MYO3B: variants seen among roughly 807,000 people sequenced by gnomAD.
The protein encoded by MYO3B is myosin IIIB.
A neutral mutation model predicts 174.6 loss-of-function variants in MYO3B; 156 were observed. That is an observed-to-expected ratio of 0.89 (90% CI 0.78 to 1.02). The LOEUF is 1.02. Among genes scored for constraint, MYO3B ranks in the 50% least tolerant of loss-of-function variants. The pLI is 0.00. For missense variants in MYO3B, 1,632 were observed against 1,639.4 expected, an observed-to-expected ratio of 1.00 and a Z score of 0.08; for synonymous variants, 563 against 569.1, an observed-to-expected ratio of 0.99 and a Z score of 0.15.
intron 7 of MYO3B, among the ~76,000 whole-genome samples, chr2:170,279,074 T>C (rs1463125467): frequency 6.6e-6 from 1 of 152,180 alleles, no homozygotes; most frequent in African/African-American, 2.4e-5. Context: ...TTATCTTTGC[T>C]ATTGTGAATA....
intron 5 of MYO3B, among the ~76,000 whole-genome samples, chr2:170,216,762 C>A (rs1480113820): frequency 6.6e-6 from 1 of 151,968 alleles, no homozygotes; most frequent in Non-Finnish European, 1.5e-5. Context: ...AAAATGAAGC[C>A]CCTTATTAAG....
At chr2:170,492,947 G>A (rs919112375) in intron 25 of MYO3B, among the ~76,000 whole-genome samples, 4 of 152,162 alleles carry the variant, frequency 2.6e-5, no homozygotes, top group African/African-American at 9.7e-5. Context: ...TCTCTACTCT[G>A]TCTTACCAAA....
At position 170,654,909 on chromosome 2, in the gene MYO3B, A is replaced by C. The variant is rs1575357682; in HGVS notation, c.*1788A>C. The C allele has an allele frequency of 6.6e-6, 1 of 152,160 alleles. No homozygotes were observed. The highest frequency in any genetic ancestry group is 1.9e-4 in the East Asian group (1 of 5,200). The allele number at this position is 152,160 out of a possible 1,614,324, so 9.4% of individuals were successfully genotyped here. On this transcript the variant is annotated 3_prime_UTR_variant, in exon 35 of 35. Coordinates refer to ENST00000408978, the MANE Select transcript of MYO3B (RefSeq NM_138995.5). ...TTTATAAGTAGAGCAGAAAAAATGCAGATAAATTTTATTTTATTGTTTAAA... is the reference window on the plus strand; with the variant it reads ...TTTATAAGTAGAGCAGAAAAAATGCCGATAAATTTTATTTTATTGTTTAAA...
intron 32 of MYO3B, among the ~76,000 whole-genome samples, chr2:170,609,183 T>A (rs1694991838): frequency 6.6e-6 from 1 of 152,180 alleles, no homozygotes; most frequent in Non-Finnish European, 1.5e-5. Flanking sequence ...AATGCCACTG[T>A]TTACTTCATT....
intron 20 of MYO3B, among the ~76,000 whole-genome samples, chr2:170,404,833 C>A (rs548483713): frequency 6.6e-6 from 1 of 152,314 alleles, no homozygotes; most frequent in African/African-American, 2.4e-5. Context: ...CCCTGGACAT[C>A]CCAGCTAGTT....
Position 170,484,777 on chromosome 2 carries a change from A to C in MYO3B, c.3015-13815A>C, listed in dbSNP as rs1180717062. Among the ~76,000 whole-genome samples, 3 of 152,044 alleles carry C rather than the reference A, an allele frequency of 2.0e-5. No homozygotes were observed. The East Asian group carries it at 5.8e-4, about 29-fold the overall frequency. The stretch of plus-strand genomic sequence containing the variant: ...TGGTGGCCAGCTGTTCTGTCTCTTT[A>C]CTCAAGGCCAAACATGAAGGGAAAA... On this transcript the variant is annotated intron_variant, in intron 25 of 34. Coordinates refer to ENST00000408978, the MANE Select transcript of MYO3B (RefSeq NM_138995.5).
At chr2:170,239,413 A>G (rs2093107036) in intron 7 of MYO3B, among the ~76,000 whole-genome samples, 1 of 152,182 alleles carries the variant, frequency 6.6e-6, no homozygotes, top group Non-Finnish European at 1.5e-5. Context: ...GAGGGGAGTG[A>G]GGAAGGCTGT....
At chr2:170,464,655 G>C (rs892986216) in intron 24 of MYO3B, among the ~76,000 whole-genome samples, 1 of 152,110 alleles carries the variant, frequency 6.6e-6, no homozygotes, top group Non-Finnish European at 1.5e-5. Context: ...CCAGACCTTC[G>C]AATCCAGTAT....
intron 32 of MYO3B, among the ~76,000 whole-genome samples, chr2:170,641,672 C>T (rs762363835): frequency 2.0e-5 from 3 of 152,054 alleles, no homozygotes; most frequent in African/African-American, 7.2e-5. Flanking sequence ...TCTCTGGAAA[C>T]TTGTCTCAGC....
In MYO3B at chr2:170,511,061, GT is replaced by G. The variant is rs1352683626; in HGVS notation, c.3371-3844del. Among the ~76,000 whole-genome samples, 120 of 132,014 alleles carry G rather than the reference GT, an allele frequency of 9.1e-4. 1 individual carries two copies. The highest frequency in any genetic ancestry group is 4.8e-3 in the South Asian group (19 of 3,950). The allele number at this position is 132,014 out of a possible 152,430, so 86.6% of individuals were successfully genotyped here. ...TAAACATTTAGAGCATTTTCCTTTT[GT>G]TTTTTTTTTTTTTTTGAGACGGAGT... On this transcript the variant is annotated intron_variant, in intron 28 of 34. Transcript: ENST00000408978.
intron 32 of MYO3B, among the ~76,000 whole-genome samples, chr2:170,548,063 C>T (rs1183551404): frequency 1.4e-5 from 2 of 140,656 alleles, no homozygotes; most frequent in African/African-American, 5.5e-5. Flanking sequence ...GCCAAGATCG[C>T]GCCACTGCAC....
intron 22 of MYO3B, among the ~76,000 whole-genome samples, chr2:170,437,758 C>G (rs190675524): frequency 6.6e-6 from 1 of 152,018 alleles, no homozygotes; most frequent in Non-Finnish European, 1.5e-5. Flanking sequence ...ATTTTTCCTC[C>G]CCTGAAGGAT....
intron 16 of MYO3B, 126 bp from the exon 17 acceptor site, chr2:170,400,062 C>A: frequency 1.6e-6 from 2 of 1,242,692 alleles, no homozygotes; most frequent in Non-Finnish European, 1.1e-6. Context: ...GGAAATTTTG[C>A]TGTGTGTCCA....
At chr2:170,366,788 G>A (rs898047253) in intron 8 of MYO3B, among the ~76,000 whole-genome samples, 2 of 152,108 alleles carry the variant, frequency 1.3e-5, no homozygotes, top group African/African-American at 2.4e-5. Context: ...TCTTGCGACC[G>A]TGTTGGAAGC....
chr2:170,412,770 A>G (rs2094553953), intron 22 of MYO3B, among the ~76,000 whole-genome samples: 1 of 152,230 alleles, frequency 6.6e-6, no homozygotes, highest in Non-Finnish European at 1.5e-5. Flanking sequence ...AAAAGGGTCT[A>G]GCAGATGAGC....
intron 28 of MYO3B, among the ~76,000 whole-genome samples, chr2:170,509,818 G>A (rs1440040555): frequency 6.6e-6 from 1 of 152,168 alleles, no homozygotes; most frequent in Non-Finnish European, 1.5e-5. Flanking sequence ...GCCTTCTGGT[G>A]TGGAAAGCAA....
intron 22 of MYO3B, among the ~76,000 whole-genome samples, chr2:170,439,737 G>T (rs2094785145): frequency 1.3e-5 from 2 of 152,188 alleles, no homozygotes; most frequent in Non-Finnish European, 2.9e-5. Flanking sequence ...CTGGAATGCA[G>T]TGGTGCTATC....
chr2:170,391,323 G>A (rs1558953448), intron 14 of MYO3B, among the ~76,000 whole-genome samples, 197 bp from the exon 15 acceptor site: 2 of 152,268 alleles, frequency 1.3e-5, no homozygotes, highest in South Asian at 4.1e-4. Context: ...TTGTCGTAAA[G>A]TGTGTTTAAT....
At chr2:170,593,471 G>A (rs1462193443) in intron 32 of MYO3B, among the ~76,000 whole-genome samples, 1 of 152,146 alleles carries the variant, frequency 6.6e-6, no homozygotes, top group Non-Finnish European at 1.5e-5. Flanking sequence ...GGTTCATAGA[G>A]TTTACCTAAG....
Sources: gnomAD v4.1 joint callset for allele counts (sites outside exome capture counted in the v4.1 genomes callset) on GRCh38, gnomAD v4.1.1 for gene constraint, MANE v1.5 for transcripts, NCBI Gene and HGNC (gene_info 2026-07-23, HGNC 2026-07-21) for gene names.